SOHLH2: variants seen among roughly 807,000 people sequenced by gnomAD.
SOHLH2 encodes the protein spermatogenesis and oogenesis specific basic helix-loop-helix 2.
In SOHLH2, 22 loss-of-function variants were observed where a neutral mutation model predicts 50.4. The ratio of observed to expected loss-of-function variants is 0.44; its 90% confidence interval spans 0.31 to 0.62. The LOEUF (loss-of-function observed/expected upper bound fraction) is 0.62. Among genes scored for constraint, SOHLH2 ranks in the 20% least tolerant of loss-of-function variants. The probability of loss-of-function intolerance (pLI) is 0.08; values close to 1 mark genes in which losing one functional copy is unlikely to be tolerated. For missense variants in SOHLH2, 412 were observed against 504.4 expected, an observed-to-expected ratio of 0.82 and a Z score of 1.76; for synonymous variants, 185 against 187.3, an observed-to-expected ratio of 0.99 and a Z score of 0.10.
intron 6 of SOHLH2, among the ~76,000 whole-genome samples, chr13:36,187,812 C>T (rs1887462758): frequency 6.6e-6 from 1 of 152,224 alleles, no homozygotes; most frequent in Admixed American, 6.5e-5. Context: ...CTCACTCCAT[C>T]ACCAACACCT....
At chr13:36,212,195 G>A (rs1367547684) in intron 1 of SOHLH2, among the ~76,000 whole-genome samples, 1 of 152,298 alleles carries the variant, frequency 6.6e-6, no homozygotes, top group Admixed American at 6.5e-5. Context: ...CTAACCCACC[G>A]TTCTGTGCAG....
At position 36,202,052 on chromosome 13, in the gene SOHLH2, G is replaced by A. The variant is rs1225758578; in HGVS notation, c.90C>T (p.Gly30=). Residue 30 remains glycine, a synonymous_variant, in exon 2 of 11, where the codon GGC becomes GGT. Coordinates refer to ENST00000379881, the MANE Select transcript of SOHLH2 (RefSeq NM_017826.3). Reference sequence around the variant, plus strand: ...GTTTCTGTACAGTATCAGCCAGGTAGCCCACAGTGACATCTCCAACTAATA... The same window carrying A: ...GTTTCTGTACAGTATCAGCCAGGTAACCCACAGTGACATCTCCAACTAATA... The part of the protein sequence containing the change: ...DILLVGDVTV[G]YLADTVQKLF... The A allele has an allele frequency of 6.2e-7, 1 of 1,614,236 alleles. No homozygotes were observed. The highest frequency in any genetic ancestry group is 1.7e-5 in the Admixed American group (1 of 60,028).
chr13:36,172,763 G>A (rs1204634406), intron 9 of SOHLH2, among the ~76,000 whole-genome samples: 1 of 152,182 alleles, frequency 6.6e-6, no homozygotes, highest in African/African-American at 2.4e-5. Flanking sequence ...AGGGAGGAAG[G>A]ACATTCCTGG....
intron 1 of SOHLH2, among the ~76,000 whole-genome samples, chr13:36,209,327 GTT>G (rs921874132): frequency 6.8e-6 from 1 of 146,206 alleles, no homozygotes. Flanking sequence ...AATTTTAGAA[GTT>G]TTTTTTTTTT....
Position 36,170,768 on chromosome 13 carries a change from T to C in SOHLH2, c.1020A>G (p.Ser340=), listed in dbSNP as rs1446782387. ...EAVRVPSSSA[S]ENAIGDPYKT... ...TATATGGATCACCAATAGCATTCTC[T>C]GAGGCGGAGCTTGATGGAACTTTAA... The change falls in exon 10 of 11, where the codon TCA becomes TCG. Residue 340 remains serine (S), a synonymous_variant. Coordinates refer to ENST00000379881, the MANE Select transcript of SOHLH2 (RefSeq NM_017826.3). 1 of 1,613,558 alleles carries C rather than the reference T, an allele frequency of 6.2e-7. No homozygotes were observed. Among genetic ancestry groups the C allele is most frequent in the Non-Finnish European group, 8.5e-7 (1 of 1,179,590 alleles).
chr13:36,200,804 A>G (rs545053458), intron 2 of SOHLH2, among the ~76,000 whole-genome samples: 20 of 152,140 alleles, frequency 1.3e-4, no homozygotes, highest in African/African-American at 4.8e-4. Flanking sequence ...TAATCCCAGC[A>G]CTTTGGGAGG....
chr13:36,189,827 T>C, intron 6 of SOHLH2, 119 bp downstream of exon 6: 1 of 987,328 alleles, frequency 1.0e-6, no homozygotes, highest in East Asian at 2.8e-5. Context: ...TGGCATCTAT[T>C]TGTTTGCTAA....
chr13:36,197,660 G>A (rs577851196), intron 2 of SOHLH2, among the ~76,000 whole-genome samples: 1 of 152,120 alleles, frequency 6.6e-6, no homozygotes, highest in Non-Finnish European at 1.5e-5. Context: ...GGCTAAATGC[G>A]GCCAAACTAA....
intron 2 of SOHLH2, among the ~76,000 whole-genome samples, chr13:36,195,909 T>G (rs1566042885): frequency 1.3e-5 from 2 of 151,740 alleles, no homozygotes; most frequent in African/African-American, 4.8e-5. Flanking sequence ...ATCATCAAAA[T>G]AGGCATATGC....
At chr13:36,183,194 C>T (rs762436580) in intron 6 of SOHLH2, 11 of 359,562 alleles carry the variant, frequency 3.1e-5, no homozygotes, top group Non-Finnish European at 5.4e-5. Context: ...GCTTCCTGTA[C>T]AGCCTGCAGA....
rs1363399179 is a variant in SOHLH2, at chr13:36,202,112, G to T, written c.49-19C>A. The T allele has an allele frequency of 6.2e-7, 1 of 1,613,176 alleles. No individual in the cohort carries two copies. The highest frequency in any genetic ancestry group is 1.3e-5 in the African/African-American group (1 of 74,942). On this transcript the variant is annotated intron_variant, in intron 1 of 10. Coordinates refer to ENST00000379881, the MANE Select transcript of SOHLH2 (RefSeq NM_017826.3). ...TTTTTGCCTGAAAGAGAAGGAAGCA[G>T]AGGCGTCACATAATTATTGCCTAGG...
chr13:36,181,010 T>C (rs1326433144), intron 6 of SOHLH2, among the ~76,000 whole-genome samples: 1 of 152,198 alleles, frequency 6.6e-6, no homozygotes, highest in East Asian at 1.9e-4. Flanking sequence ...TATTTGTCCA[T>C]TTAATTCTGT....
intron 5 of SOHLH2, 93 bp downstream of exon 5, chr13:36,191,702 T>A: frequency 6.8e-7 from 1 of 1,465,238 alleles, no homozygotes; most frequent in Non-Finnish European, 9.4e-7. Flanking sequence ...GATTCTTAAG[T>A]ACAGCAAATG....
Position 36,205,300 on chromosome 13 carries a change from G to A in SOHLH2, c.49-3207C>T, listed in dbSNP as rs535700305. Among the ~76,000 whole-genome samples the A allele has an allele frequency of 3.7e-4, 57 of 152,198 alleles. 1 individual carries two copies. Among genetic ancestry groups the A allele is most frequent in the Middle Eastern group, 3.4e-3 (1 of 292 alleles). ...ATTGGCTAGAACATCCAAAACAAAG[G>A]TGAATAACAGGAGTGACAGTAGGTG... On this transcript the variant is annotated intron_variant, in intron 1 of 10. Transcript: ENST00000379881.
At chr13:36,169,169 G>A in intron 10 of SOHLH2, 115 bp from the exon 11 acceptor site, 10 of 1,395,962 alleles carry the variant, frequency 7.2e-6, no homozygotes, top group Non-Finnish European at 9.4e-6. Flanking sequence ...GCAAAACTAT[G>A]TTAAATCCTC....
intron 6 of SOHLH2, among the ~76,000 whole-genome samples, chr13:36,186,834 C>T (rs1887432356): frequency 6.6e-6 from 1 of 152,058 alleles, no homozygotes; most frequent in Non-Finnish European, 1.5e-5. Context: ...TTGGCCAGAA[C>T]CATCGTTTCC....
At chr13:36,212,288 C>T (rs887142853) in intron 1 of SOHLH2, among the ~76,000 whole-genome samples, 2 of 152,160 alleles carry the variant, frequency 1.3e-5, no homozygotes, top group Non-Finnish European at 2.9e-5. Flanking sequence ...AACTGATTTG[C>T]TCTTTTGCCA....
intron 9 of SOHLH2, 111 bp downstream of exon 9, chr13:36,173,581 C>T: frequency 8.0e-7 from 1 of 1,254,868 alleles, no homozygotes; most frequent in Non-Finnish European, 1.1e-6. Context: ...CAGAAGGACT[C>T]ATCAGCTCTC....
At chr13:36,171,198 T>C (rs549366116) in intron 9 of SOHLH2, among the ~76,000 whole-genome samples, 2 of 152,188 alleles carry the variant, frequency 1.3e-5, no homozygotes, top group Non-Finnish European at 2.9e-5. Context: ...TATATAATAT[T>C]AACAATGTAA....
Sources: gnomAD v4.1 joint callset for allele counts (sites outside exome capture counted in the v4.1 genomes callset) on GRCh38, gnomAD v4.1.1 for gene constraint, MANE v1.5 for transcripts, NCBI Gene and HGNC (gene_info 2026-07-23, HGNC 2026-07-21) for gene names.